TEP1: variants seen among roughly 807,000 people sequenced by gnomAD.
The protein encoded by TEP1 is telomerase associated protein 1.
TEP1 carries 241 observed loss-of-function variants against 306.3 expected under a neutral mutation model. The observed-to-expected ratio is 0.79, with a 90% CI of 0.71 to 0.88. The LOEUF (loss-of-function observed/expected upper bound fraction) is 0.88. Among genes scored for constraint, TEP1 ranks in the 40% least tolerant of loss-of-function variants. TEP1 has a pLI of 0.00. For synonymous variants in TEP1, 1,289 were observed against 1,305.5 expected, an observed-to-expected ratio of 0.99 and a Z score of 0.27; for missense variants, 3,051 against 3,276.1, an observed-to-expected ratio of 0.93 and a Z score of 1.68.
At chr14:20,380,086 A>C in intron 34 of TEP1, 33 bp from the exon 35 acceptor site, 1 of 1,601,570 alleles carries the variant, frequency 6.2e-7, no homozygotes, top group Non-Finnish European at 8.5e-7. Flanking sequence ...GGGAGGAAAT[A>C]AACGAGAGAA....
At chr14:20,394,119 GC>G (rs1877973005) in intron 12 of TEP1, among the ~76,000 whole-genome samples, 1 of 151,858 alleles carries the variant, frequency 6.6e-6, no homozygotes, top group Admixed American at 6.6e-5. Flanking sequence ...TTCCTCTGTT[GC>G]CTAGTCTGTG....
Position 20,382,626 on chromosome 14 carries a change from C to T in TEP1, c.4137G>A (p.Glu1379=), listed in dbSNP as rs1306633517. The T allele has an allele frequency of 6.2e-7, 1 of 1,614,106 alleles. No homozygotes were observed. Among genetic ancestry groups the T allele is most frequent in the Admixed American group, 1.7e-5 (1 of 60,026 alleles). ...TDHLRLFTLY[E]QVSERLRTLP... ...TTGGAAGGTGATGAGAACTGACCTG[C>T]TCATACAGCGTGAAGAGCCTCAGGT... Residue 1379 remains glutamate (E), a synonymous_variant, in exon 28 of 55, where the codon GAG becomes GAA. Transcript: ENST00000262715.
At chr14:20,411,946 TAA>T (rs34633175) in intron 1 of TEP1, among the ~76,000 whole-genome samples, 2 of 145,222 alleles carry the variant, frequency 1.4e-5, no homozygotes, top group Non-Finnish European at 3.0e-5. Context: ...GACCTCTATT[TAA>T]AAAAAAAAAG....
At position 20,382,644 on chromosome 14, in the gene TEP1, C is replaced by G; in HGVS notation, c.4119G>C (p.Arg1373Ser). The change falls in exon 28 of 55, where the codon AGG (arginine) becomes AGC (serine). Residue 1373 changes from arginine (R) to serine (S), a missense_variant. By Grantham distance (110) the Arg-to-Ser change is moderately radical (BLOSUM62 -1). This residue lies in a region of TEP1 where 1,540 missense variants were observed against 1,705.9 expected (regional missense o/e 0.90). Transcript: ENST00000262715. The part of the protein sequence containing the change: ...LYLRLVTDHL[R>S]LFTLYEQVSE... The stretch of plus-strand genomic sequence containing the variant: ...TGACCTGCTCATACAGCGTGAAGAG[C>G]CTCAGGTGATCGGTGACCAAGCGCA... 1.2e-6 allele frequency: 2 copies of G among 1,614,062 alleles called. No homozygotes were observed. Among genetic ancestry groups the G allele is most frequent in the South Asian group, 1.1e-5 (1 of 91,080 alleles).
chr14:20,408,987 G>A (rs1292821648), intron 1 of TEP1, among the ~76,000 whole-genome samples: 1 of 152,000 alleles, frequency 6.6e-6, no homozygotes, highest in Non-Finnish European at 1.5e-5. Context: ...CTGGACTGTG[G>A]GTTCATAGCT....
chr14:20,384,325 C>T, intron 23 of TEP1, 66 bp downstream of exon 23: 1 of 1,610,584 alleles, frequency 6.2e-7, no homozygotes. Context: ...GCTACTTCCT[C>T]CCCAGGACAA....
chr14:20,382,148 G>A lies in TEP1; in HGVS notation c.4273+76C>T, dbSNP rs1407447084. On this transcript the variant is annotated intron_variant, in intron 29 of 54. Coordinates refer to ENST00000262715, the MANE Select transcript of TEP1 (RefSeq NM_007110.5). ...CACCCAGTCTCTCCTTGAACTGCCT[G>A]CTGAGACCCCAAGGGAACCAATGTA... 3 of 1,612,020 alleles carry A rather than the reference G, an allele frequency of 1.9e-6. No individual in the cohort carries two copies. In the Admixed American group the frequency reaches 5.0e-5, roughly 27 times the overall value.
Position 20,373,679 on chromosome 14 carries a change from T to C in TEP1, c.6603A>G (p.Ala2201=). The change falls in exon 45 of 55, where the codon GCA becomes GCG. Residue 2201 remains alanine, a splice_region_variant and synonymous_variant. Transcript: ENST00000262715. ...SHCAAAMEPR[A]AGQPGSELLV... Reference sequence around the variant, plus strand: ...GGGAGGTGGCTGACGTTTTGTTACCTGCACGGGGCTCCATGGCAGCTGCAC... The same window carrying C: ...GGGAGGTGGCTGACGTTTTGTTACCCGCACGGGGCTCCATGGCAGCTGCAC... 6.2e-7 allele frequency: 1 copy of C among 1,614,180 alleles called. No individual in the cohort carries two copies. Among genetic ancestry groups the C allele is most frequent in the South Asian group, 1.1e-5 (1 of 91,086 alleles).
intron 12 of TEP1, 46 bp from the exon 13 acceptor site, chr14:20,391,813 GC>G (rs768563629): frequency 2.5e-6 from 4 of 1,598,622 alleles, no homozygotes; most frequent in Non-Finnish European, 3.4e-6. Flanking sequence ...GGACTTATCT[GC>G]CCCTTAGAGG....
intron 12 of TEP1, among the ~76,000 whole-genome samples, chr14:20,393,691 C>G (rs1460542493): frequency 1.3e-5 from 2 of 151,856 alleles, no homozygotes; most frequent in Non-Finnish European, 1.5e-5. Context: ...ACTTGGGAGT[C>G]TGAGGCACGA....
intron 12 of TEP1, 80 bp from the exon 13 acceptor site, chr14:20,391,847 C>A: frequency 6.6e-7 from 1 of 1,510,382 alleles, no homozygotes; most frequent in Non-Finnish European, 9.1e-7. Flanking sequence ...TGAGAAGTTG[C>A]CACTAAGTAT....
intron 1 of TEP1, among the ~76,000 whole-genome samples, chr14:20,408,969 A>C (rs1879423061): frequency 6.6e-6 from 1 of 152,074 alleles, no homozygotes; most frequent in African/African-American, 2.4e-5. Flanking sequence ...GAGGCCTCGC[A>C]ATATAATCTG....
intron 19 of TEP1, 105 bp downstream of exon 19, chr14:20,386,342 G>T: frequency 1.3e-6 from 2 of 1,575,166 alleles, no homozygotes; most frequent in South Asian, 1.1e-5. Context: ...AGCGACTCCC[G>T]CCTTCACCCT....
Position 20,401,556 on chromosome 14 carries a change from G to A in TEP1, c.1292C>T (p.Ser431Leu), listed in dbSNP as rs755918126. ...RKFEKAGDTV[S>L]EKKNPPRFTL... is the part of the protein sequence containing the mutation. ...GAACCTTGGAGGATTCTTTTTCTCTGACACTGTATCACCGGCCTTCTCAAA... is the reference window on the plus strand; with the variant it reads ...GAACCTTGGAGGATTCTTTTTCTCTAACACTGTATCACCGGCCTTCTCAAA... The change falls in exon 8 of 55, where the codon TCA (serine) becomes TTA (leucine). Residue 431 changes from serine (S) to leucine (L), a missense_variant. Physicochemically the swap from Ser to Leu is moderately radical, Grantham distance 145. Around this residue, in one of 3 missense-constraint regions of TEP1, gnomAD observed 1,507 missense variants for 1,550.5 expected, o/e 0.97. Coordinates refer to ENST00000262715, the MANE Select transcript of TEP1 (RefSeq NM_007110.5). 1.2e-6 allele frequency: 2 copies of A among 1,614,150 alleles called. No homozygotes were observed. Among genetic ancestry groups the A allele is most frequent in the South Asian group, 2.2e-5 (2 of 91,074 alleles).
Position 20,395,871 on chromosome 14 carries a change from G to A in TEP1, c.1738C>T (p.Leu580Phe). The change falls in exon 11 of 55, where the codon CTC (leucine) becomes TTC (phenylalanine). Residue 580 changes from leucine to phenylalanine, a missense_variant. Physicochemically the swap from Leu to Phe is conservative, Grantham distance 22. This residue lies in a region of TEP1 where 1,507 missense variants were observed against 1,550.5 expected (regional missense o/e 0.97). Coordinates refer to ENST00000262715, the MANE Select transcript of TEP1 (RefSeq NM_007110.5). The part of the protein sequence containing the change: ...HDAIDALEAQ[L>F]RNQALPFPSN... ...AAGGGGAGAATACCTTGATTTCTGA[G>A]TTGAGCCTCGAGGGCATCAATGGCA... is the stretch of plus-strand genomic sequence containing the variant. The A allele has an allele frequency of 6.2e-7, 1 of 1,613,898 alleles. No homozygotes were observed. Among genetic ancestry groups the A allele is most frequent in the Non-Finnish European group, 8.5e-7 (1 of 1,179,880 alleles).
intron 3 of TEP1, among the ~76,000 whole-genome samples, chr14:20,406,011 CA>C (rs765373019): frequency 6.9e-3 from 245 of 35,524 alleles, no homozygotes; most frequent in African/African-American, 9.5e-3. Context: ...GACTCCATCT[CA>C]AAAAAAAAAA....
At chr14:20,393,867 G>A (rs1350223908) in intron 12 of TEP1, among the ~76,000 whole-genome samples, 2 of 151,606 alleles carry the variant, frequency 1.3e-5, no homozygotes, top group Non-Finnish European at 2.9e-5. Context: ...TGGTTGGATC[G>A]CTTGAGCTCA....
In TEP1 at chr14:20,366,200, C is replaced by T. The variant is rs983804384; in HGVS notation, c.*2237G>A. The T allele has an allele frequency of 3.3e-5, 5 of 152,210 alleles. No homozygotes were observed. The highest frequency in any genetic ancestry group is 1.2e-4 in the African/African-American group (5 of 41,450). The allele number at this position is 152,210 out of a possible 1,614,324, so 9.4% of individuals were successfully genotyped here. A position where few individuals can be genotyped will look rare whatever the true frequency, so the allele number is the denominator to read the frequency against. Reference sequence around the variant, plus strand: ...GCCAACAAGACTGAATCTATTGAGCCTATTGGTCAAGTTAGCCTTTGCTTA... The same window carrying T: ...GCCAACAAGACTGAATCTATTGAGCTTATTGGTCAAGTTAGCCTTTGCTTA... On this transcript the variant is annotated 3_prime_UTR_variant, in exon 55 of 55. Transcript: ENST00000262715.
intron 53 of TEP1, among the ~76,000 whole-genome samples, 163 bp from the exon 54 acceptor site, chr14:20,369,065 T>A (rs1884657988): frequency 6.6e-6 from 1 of 151,774 alleles, no homozygotes; most frequent in Non-Finnish European, 1.5e-5. Context: ...TGGAGTGCAG[T>A]GGCGCAATCT....
Sources: allele counts gnomAD v4.1 joint callset (sites outside exome capture counted in the v4.1 genomes callset), GRCh38; gene constraint gnomAD v4.1.1; regional missense constraint gnomAD v4.1.1; transcripts MANE v1.5; gene names NCBI Gene and HGNC (gene_info 2026-07-23, HGNC 2026-07-21).